SLC6A9: variants seen among roughly 807,000 people sequenced by gnomAD.
SLC6A9 encodes the protein sodium- and chloride-dependent glycine transporter 1.
Under a neutral mutation model 70.9 loss-of-function variants are expected in SLC6A9, and 31 were observed. The observed-to-expected ratio is 0.44, with a 90% CI of 0.33 to 0.59. The LOEUF (loss-of-function observed/expected upper bound fraction) is 0.59. SLC6A9 is among the 20% of genes least tolerant of loss of function. The probability of loss-of-function intolerance (pLI) is 0.04; values close to 1 mark genes in which losing one functional copy is unlikely to be tolerated. For synonymous variants in SLC6A9, 310 were observed against 341.3 expected, an observed-to-expected ratio of 0.91 and a Z score of 1.01; for missense variants, 631 against 845.2, an observed-to-expected ratio of 0.75 and a Z score of 3.14.
chr1:44,004,876 T>C (rs1006255488), intron 5 of SLC6A9, among the ~76,000 whole-genome samples: 1 of 152,232 alleles, frequency 6.6e-6, no homozygotes, highest in Non-Finnish European at 1.5e-5. Context: ...ATCTCCAGAA[T>C]TACTCTGCGT....
At position 43,997,387 on chromosome 1, in the gene SLC6A9, G is replaced by A; in HGVS notation, c.*158C>T. The A allele has an allele frequency of 1.5e-6, 1 of 666,864 alleles. No homozygotes were observed. The highest frequency in any genetic ancestry group is 1.8e-5 in the African/African-American group (1 of 55,532). The allele number at this position is 666,864 out of a possible 1,614,324, so 41.3% of individuals were successfully genotyped here. A position where few individuals can be genotyped will look rare whatever the true frequency, so the allele number is the denominator to read the frequency against. ...AAGGACATGTAAACACTGGGGACAT[G>A]AGCATGAATGACTGCACTAGCAGTG... On this transcript the variant is annotated 3_prime_UTR_variant, in exon 14 of 14. Coordinates refer to ENST00000372310, the MANE Select transcript of SLC6A9 (RefSeq NM_001024845.3). This position sits in a 1 kb window ranked among gnomAD's most constrained non-coding sequence, Gnocchi z 4.4.
chr1:44,014,961 G>A (rs1329150751), intron 2 of SLC6A9: 1 of 152,024 alleles, frequency 6.6e-6, no homozygotes, highest in East Asian at 1.9e-4. Flanking sequence ...AGATTCCCAG[G>A]CTAGATAGCC....
In SLC6A9 at chr1:44,011,149, C is replaced by T. The variant is rs544755116; in HGVS notation, c.31-267G>A. Among the ~76,000 whole-genome samples, 14 of 152,298 alleles carry T rather than the reference C, an allele frequency of 9.2e-5. No homozygotes were observed. In the South Asian group the frequency reaches 1.0e-3, roughly 11 times the overall value. On this transcript the variant is annotated intron_variant, in intron 2 of 13. Coordinates refer to ENST00000372310, the MANE Select transcript of SLC6A9 (RefSeq NM_001024845.3). Reference sequence around the variant, plus strand: ...CACCTGAGGAGCTGCTACCAGCATCCGGGAGGCGGGACACTGAAGAGGGAG... The same window carrying T: ...CACCTGAGGAGCTGCTACCAGCATCTGGGAGGCGGGACACTGAAGAGGGAG...
chr1:44,012,708 A>G (rs966929771), intron 2 of SLC6A9, among the ~76,000 whole-genome samples: 2 of 152,248 alleles, frequency 1.3e-5, no homozygotes, highest in Admixed American at 1.3e-4. Context: ...AGAGGGGATC[A>G]TCTCAAAATC....
chr1:44,020,793 A>G (rs1382448708), intron 2 of SLC6A9, among the ~76,000 whole-genome samples: 1 of 152,148 alleles, frequency 6.6e-6, no homozygotes, highest in Non-Finnish European at 1.5e-5. Context: ...TCAGGGAAAA[A>G]CATATGAGAA....
At chr1:44,015,114 A>G (rs1167999694) in intron 2 of SLC6A9, among the ~76,000 whole-genome samples, 1 of 152,214 alleles carries the variant, frequency 6.6e-6, no homozygotes, top group Admixed American at 6.5e-5. Context: ...TTATAAAAGC[A>G]TAATAAGCTA....
chr1:44,016,417 T>A (rs1274359815), intron 2 of SLC6A9: 2 of 152,680 alleles, frequency 1.3e-5, no homozygotes, highest in African/African-American at 4.8e-5. Flanking sequence ...AGTCAGGATG[T>A]CCTACAGGGG....
chr1:44,001,654 C>T (rs772758334), intron 8 of SLC6A9, 27 bp from the exon 9 acceptor site: 1 of 1,561,696 alleles, frequency 6.4e-7, no homozygotes, highest in Non-Finnish European at 8.8e-7. Flanking sequence ...CAGAGTTCAG[C>T]TTCCCTCTCC....
At chr1:44,001,661 C>T in intron 8 of SLC6A9, 34 bp from the exon 9 acceptor site, 1 of 1,546,402 alleles carries the variant, frequency 6.5e-7, no homozygotes, top group Non-Finnish European at 8.9e-7. Context: ...CAGCTTCCCT[C>T]TCCCCAATTT....
chr1:44,031,022 C>A (rs983538516), intron 1 of SLC6A9, among the ~76,000 whole-genome samples: 2 of 151,960 alleles, frequency 1.3e-5, no homozygotes, highest in African/African-American at 4.8e-5. Flanking sequence ...GAGCTCCCCC[C>A]ACTTCCCTCT....
chr1:44,006,074 G>A (rs2086298667), intron 5 of SLC6A9, among the ~76,000 whole-genome samples: 1 of 152,202 alleles, frequency 6.6e-6, no homozygotes, highest in Non-Finnish European at 1.5e-5. Context: ...AGCATCTGGG[G>A]GTGGGGTTGC....
chr1:44,001,693 A>G, intron 8 of SLC6A9, 66 bp from the exon 9 acceptor site: 1 of 1,283,588 alleles, frequency 7.8e-7, no homozygotes, highest in East Asian at 2.3e-5. Context: ...AGACATGGAG[A>G]CACGGAAAGT....
chr1:44,021,593 A>T (rs527695164), intron 2 of SLC6A9, among the ~76,000 whole-genome samples: 1 of 152,226 alleles, frequency 6.6e-6, no homozygotes, highest in African/African-American at 2.4e-5. Flanking sequence ...TGCTCCATGC[A>T]TGCCAGGGCA....
chr1:44,009,796 A>C (rs150616747), intron 4 of SLC6A9, among the ~76,000 whole-genome samples, 169 bp downstream of exon 4: 23 of 152,336 alleles, frequency 1.5e-4, no homozygotes, highest in Non-Finnish European at 2.9e-4. Flanking sequence ...CCAAGTAAAC[A>C]TGGGTCCCAG....
At chr1:44,024,670 A>G (rs1259861893) in intron 1 of SLC6A9, among the ~76,000 whole-genome samples, 1 of 152,178 alleles carries the variant, frequency 6.6e-6, no homozygotes, top group Non-Finnish European at 1.5e-5. Context: ...CAATTCCTTC[A>G]TGGTCTGTGT....
chr1:44,012,150 G>A (rs751248647), intron 2 of SLC6A9, among the ~76,000 whole-genome samples: 4 of 152,334 alleles, frequency 2.6e-5, no homozygotes, highest in Middle Eastern at 3.4e-3. Context: ...TTCACCCTCC[G>A]CTTGAAAGAG....
At position 43,996,544 on chromosome 1, in the gene SLC6A9, A is replaced by C; in HGVS notation, c.*1001T>G. ...GACTTTAAAATCCTAGTGGTGCACA[A>C]TGGGCAGGGATGGGCGGCGCACCGT... On this transcript the variant is annotated 3_prime_UTR_variant, in exon 14 of 14. Coordinates refer to ENST00000372310, the MANE Select transcript of SLC6A9 (RefSeq NM_001024845.3). 6 of 203,800 alleles carry C rather than the reference A, an allele frequency of 2.9e-5. No homozygotes were observed. The highest frequency in any genetic ancestry group is 1.3e-4 in the East Asian group (1 of 7,682). The allele number at this position is 203,800 out of a possible 1,614,324, so 12.6% of individuals were successfully genotyped here.
At chr1:44,000,712 T>G in intron 12 of SLC6A9, 55 bp downstream of exon 12, 1 of 1,179,230 alleles carries the variant, frequency 8.5e-7, no homozygotes, top group Non-Finnish European at 1.2e-6. Context: ...TCCCAAGAGA[T>G]GGACACATGG....
At chr1:44,003,466 T>C (rs898283420) in intron 5 of SLC6A9, among the ~76,000 whole-genome samples, 1 of 152,186 alleles carries the variant, frequency 6.6e-6, no homozygotes, top group Non-Finnish European at 1.5e-5. Flanking sequence ...TCAGTAAAGA[T>C]TGGACCCTGG....
Sources: allele counts gnomAD v4.1 joint callset (sites outside exome capture counted in the v4.1 genomes callset), GRCh38; gene constraint gnomAD v4.1.1; non-coding constraint Gnocchi (gnomAD v3.1); transcripts MANE v1.5; gene names NCBI Gene and HGNC (gene_info 2026-07-23, HGNC 2026-07-21).